The following FGF7 variants were observed in gnomAD, a reference collection of about 807,000 sequenced individuals.
The protein encoded by FGF7 is fibroblast growth factor 7.
A neutral mutation model predicts 20.5 loss-of-function variants in FGF7; 6 were observed. The ratio of observed to expected loss-of-function variants is 0.29; its 90% CI spans 0.16 to 0.58. The LOEUF is 0.58. Among genes scored for constraint, FGF7 ranks in the 20% least tolerant of loss-of-function variants. The probability of loss-of-function intolerance (pLI) is 0.90; values close to 1 mark genes in which losing one functional copy is unlikely to be tolerated. For synonymous variants in FGF7, 64 were observed against 74.7 expected (o/e 0.86, Z 0.74); for missense variants, 144 against 228.8 (o/e 0.63, Z 2.39).
At chr15:49,436,148 G>A (rs1355928975) in intron 2 of FGF7, among the ~76,000 whole-genome samples, 1 of 151,524 alleles carries the variant, frequency 6.6e-6, no homozygotes, top group African/African-American at 2.4e-5. Context: ...ACATGGGCCT[G>A]TTTTACTTCC....
intron 1 of FGF7, among the ~76,000 whole-genome samples, chr15:49,423,699 T>C (rs978412451): frequency 2.0e-5 from 3 of 152,144 alleles, no homozygotes; most frequent in Non-Finnish European, 2.9e-5. Flanking sequence ...TAAAGAAGTC[T>C]AGGGAGAAAG....
At chr15:49,465,449 G>GT (rs1316957730) in intron 2 of FGF7, among the ~76,000 whole-genome samples, 3 of 151,814 alleles carry the variant, frequency 2.0e-5, no homozygotes, top group African/African-American at 7.3e-5. Context: ...TTCTTAAAGT[G>GT]TTAATGTGTT....
intron 2 of FGF7, among the ~76,000 whole-genome samples, chr15:49,464,520 C>CAGAA (rs2054090967): frequency 6.6e-6 from 1 of 152,094 alleles, no homozygotes; most frequent in Non-Finnish European, 1.5e-5. Flanking sequence ...TGCTGGAAGA[C>CAGAA]AGAACATTTA....
intron 2 of FGF7, among the ~76,000 whole-genome samples, chr15:49,444,070 G>A (rs771124986): frequency 6.6e-6 from 1 of 151,690 alleles, no homozygotes; most frequent in South Asian, 2.1e-4. Context: ...AAGGATGCAA[G>A]GTCACCTTTC....
At position 49,482,095 on chromosome 15, in the gene FGF7, T is replaced by C. The variant is rs2056000587; in HGVS notation, c.287-1056T>C. On this transcript the variant is annotated intron_variant, in intron 2 of 3. Transcript: ENST00000267843. ...GCCCAATCACACAGATAATTGACAC[T>C]TTGACTTTTCTTTGCACTGTGTTAG... Among the ~76,000 whole-genome samples, 4 of 152,268 alleles carry C rather than the reference T, an allele frequency of 2.6e-5. No homozygotes were observed. The South Asian group carries it at 8.3e-4, about 32-fold the overall frequency.
intron 2 of FGF7, among the ~76,000 whole-genome samples, chr15:49,448,187 C>A (rs1033279911): frequency 6.6e-6 from 1 of 151,714 alleles, no homozygotes; most frequent in South Asian, 2.1e-4. Context: ...TCATAAATTA[C>A]TAGAACTTTC....
In FGF7 at chr15:49,455,049, G is replaced by A. The variant is rs529634755; in HGVS notation, c.287-28102G>A. On this transcript the variant is annotated intron_variant, in intron 2 of 3. Transcript: ENST00000267843. ...AGTATGATTTAAAGTGTAGTTGGGG[G>A]ATCACCTGTATTAGGATCACCTACT... Among the ~76,000 whole-genome samples the A allele has an allele frequency of 3.3e-5, 5 of 152,240 alleles. 1 individual carries two copies. In the South Asian group the frequency reaches 1.0e-3, roughly 32 times the overall value.
chr15:49,462,117 T>C (rs2053852967), intron 2 of FGF7, among the ~76,000 whole-genome samples: 1 of 151,064 alleles, frequency 6.6e-6, no homozygotes, highest in Non-Finnish European at 1.5e-5. Flanking sequence ...AGACTCCATC[T>C]CAAAAAAAAA....
intron 2 of FGF7, among the ~76,000 whole-genome samples, chr15:49,468,783 C>T (rs758804277): frequency 1.3e-4 from 20 of 152,152 alleles, no homozygotes; most frequent in Non-Finnish European, 2.4e-4. Flanking sequence ...CACAGCATAT[C>T]CAGTTAATGG....
intron 2 of FGF7, among the ~76,000 whole-genome samples, chr15:49,455,930 CT>C (rs1454180090): frequency 6.6e-6 from 1 of 151,964 alleles, no homozygotes; most frequent in East Asian, 1.9e-4. Context: ...TTGGAAATTA[CT>C]ACAGAATGGG....
At chr15:49,483,311 C>T in intron 3 of FGF7, 57 bp downstream of exon 3, 2 of 848,708 alleles carry the variant, frequency 2.4e-6, no homozygotes, top group Admixed American at 3.7e-5. Context: ...GTCAAAATAT[C>T]TCACCTTTCT....
At chr15:49,459,927 A>C (rs1392883838) in intron 2 of FGF7, among the ~76,000 whole-genome samples, 1 of 152,154 alleles carries the variant, frequency 6.6e-6, no homozygotes, top group African/African-American at 2.4e-5. Context: ...CACATTAGAG[A>C]CATTTCTTTT....
intron 2 of FGF7, among the ~76,000 whole-genome samples, chr15:49,465,472 GATAA>G (rs1277431288): frequency 6.6e-6 from 1 of 151,980 alleles, no homozygotes; most frequent in African/African-American, 2.4e-5. Flanking sequence ...GAGCAAGATA[GATAA>G]ATAGATATGC....
intron 2 of FGF7, among the ~76,000 whole-genome samples, chr15:49,427,335 G>A (rs1466761790): frequency 6.6e-6 from 1 of 151,986 alleles, no homozygotes; most frequent in Non-Finnish European, 1.5e-5. Flanking sequence ...ATGAAAGAAT[G>A]TTTCCTTCCT....
intron 2 of FGF7, among the ~76,000 whole-genome samples, chr15:49,442,468 A>G (rs2051754690): frequency 6.6e-6 from 1 of 151,680 alleles, no homozygotes; most frequent in Non-Finnish European, 1.5e-5. Flanking sequence ...TTTTCTCCTT[A>G]GATTACTGTA....
At chr15:49,465,515 G>GT (rs2054189373) in intron 2 of FGF7, among the ~76,000 whole-genome samples, 1 of 152,080 alleles carries the variant, frequency 6.6e-6, no homozygotes, top group Non-Finnish European at 1.5e-5. Flanking sequence ...GAAAACATAT[G>GT]TAAGTTGTTA....
At chr15:49,481,422 G>A (rs2055932840) in intron 2 of FGF7, among the ~76,000 whole-genome samples, 1 of 152,180 alleles carries the variant, frequency 6.6e-6, no homozygotes, top group African/African-American at 2.4e-5. Flanking sequence ...CTGCAATGAA[G>A]TTGTAGTTAC....
At chr15:49,478,813 G>A (rs1484386633) in intron 2 of FGF7, among the ~76,000 whole-genome samples, 1 of 152,200 alleles carries the variant, frequency 6.6e-6, no homozygotes, top group Middle Eastern at 3.4e-3. Flanking sequence ...ATTCTGTGTA[G>A]TGAGACACTA....
intron 2 of FGF7, among the ~76,000 whole-genome samples, chr15:49,479,884 G>A (rs1242235453): frequency 6.6e-6 from 1 of 152,146 alleles, no homozygotes; most frequent in East Asian, 1.9e-4. Context: ...AAAGTGCTGG[G>A]ATTACAGGCG....
Sources: gnomAD v4.1 joint callset for allele counts (sites outside exome capture counted in the v4.1 genomes callset) on GRCh38, gnomAD v4.1.1 for gene constraint, MANE v1.5 for transcripts, NCBI Gene and HGNC (gene_info 2026-07-23, HGNC 2026-07-21) for gene names.